NCAPH: variants seen among roughly 807,000 people sequenced by gnomAD.
The protein encoded by NCAPH is non-SMC condensin I complex subunit H, also known as condensin complex subunit 2.
In NCAPH, 38 loss-of-function variants were observed where a neutral mutation model predicts 85.5. The ratio of observed to expected loss-of-function variants is 0.44; its 90% confidence interval spans 0.34 to 0.58. The LOEUF is 0.58. Among genes scored for constraint, NCAPH ranks in the 20% least tolerant of loss-of-function variants. NCAPH has a pLI of 0.01. For synonymous variants in NCAPH, 301 were observed against 335.1 expected (o/e 0.90, Z 1.11); for missense variants, 789 against 916.6 (o/e 0.86, Z 1.80).
intron 3 of NCAPH, among the ~76,000 whole-genome samples, chr2:96,342,545 A>G (rs1022573111): frequency 9.2e-5 from 14 of 152,208 alleles, no homozygotes; most frequent in African/African-American, 3.4e-4. Flanking sequence ...CACACTGAGC[A>G]TTCAGGAATT....
chr2:96,346,589 G>A (rs1176095535), intron 6 of NCAPH, among the ~76,000 whole-genome samples: 3 of 152,230 alleles, frequency 2.0e-5, no homozygotes, highest in South Asian at 2.1e-4. Flanking sequence ...ATTTTACCTC[G>A]GAAGACAGGG....
intron 17 of NCAPH, among the ~76,000 whole-genome samples, chr2:96,369,805 A>G (rs2064748882): frequency 6.6e-6 from 1 of 152,248 alleles, no homozygotes; most frequent in South Asian, 2.1e-4. Context: ...GGTGTCAAAG[A>G]CTTTAAAGGC....
chr2:96,344,178 T>C lies in NCAPH; in HGVS notation c.669T>C (p.Ile223=). The change falls in exon 6 of 18, where the codon ATT becomes ATC. Residue 223 remains isoleucine, a synonymous_variant. Coordinates refer to ENST00000240423, the MANE Select transcript of NCAPH (RefSeq NM_015341.5). The part of the protein sequence containing the change: ...KPKKKHLHRT[I]EQNINNLNVS... ...AGAAGAAGCACTTACACAGAACTAT[T>C]GAGCAGAACATAAACAACCTCAATG... 6.2e-7 allele frequency: 1 copy of C among 1,613,702 alleles called. No homozygotes were observed. The highest frequency in any genetic ancestry group is 1.7e-5 in the Admixed American group (1 of 59,830).
rs116055296 is a variant in NCAPH at position 96,351,416 on chromosome 2, C to T, written c.721-415C>T. Among the ~76,000 whole-genome samples, 934 of 152,218 alleles carry T rather than the reference C, an allele frequency of 6.1e-3. 11 individuals carry two copies. Among genetic ancestry groups the T allele is most frequent in the African/African-American group, 0.022 (893 of 41,524 alleles). ...GGGTGCGGTGGTTCACAACTGTAGT[C>T]CCAGTACTTTGGGAGGCCAAGGTGG... On this transcript the variant is annotated intron_variant, in intron 6 of 17. Coordinates refer to ENST00000240423, the MANE Select transcript of NCAPH (RefSeq NM_015341.5).
At chr2:96,341,512 A>G in intron 1 of NCAPH, 130 bp from the exon 2 acceptor site, 1 of 1,219,972 alleles carries the variant, frequency 8.2e-7, no homozygotes, top group Non-Finnish European at 1.1e-6. Flanking sequence ...TCTAGCCATT[A>G]AGTATTAGAG....
intron 9 of NCAPH, among the ~76,000 whole-genome samples, chr2:96,357,523 AATG>A (rs2064540334): frequency 6.6e-6 from 1 of 152,196 alleles, no homozygotes; most frequent in African/African-American, 2.4e-5. Context: ...CACTCTTCCT[AATG>A]GAAGAATATC....
At chr2:96,372,377 G>T (rs1287601697) in intron 17 of NCAPH, among the ~76,000 whole-genome samples, 1 of 152,074 alleles carries the variant, frequency 6.6e-6, no homozygotes, top group Non-Finnish European at 1.5e-5. Context: ...TGGGGCATTG[G>T]GGCAGTTGGG....
intron 10 of NCAPH, chr2:96,359,408 G>A: frequency 5.4e-6 from 3 of 558,664 alleles, no homozygotes; most frequent in South Asian, 2.3e-5. Flanking sequence ...AGGAGAGTGA[G>A]TACTGGAGTC....
chr2:96,356,699 G>T (rs1052515363), intron 9 of NCAPH, among the ~76,000 whole-genome samples: 1 of 152,120 alleles, frequency 6.6e-6, no homozygotes, highest in Non-Finnish European at 1.5e-5. Flanking sequence ...ATCTCAGTGG[G>T]TAGAGGGGGC....
chr2:96,356,587 G>A (rs1248787514), intron 9 of NCAPH, among the ~76,000 whole-genome samples: 1 of 152,144 alleles, frequency 6.6e-6, no homozygotes, highest in East Asian at 1.9e-4. Context: ...CAGGCTCAGA[G>A]AGTTTAATGG....
At chr2:96,365,783 T>C (rs1300241317) in intron 13 of NCAPH, 93 bp from the exon 14 acceptor site, 2 of 1,273,782 alleles carry the variant, frequency 1.6e-6, no homozygotes, top group Non-Finnish European at 2.2e-6. Context: ...TCAGATGGTC[T>C]CTTCTTGCTT....
In NCAPH at chr2:96,360,600, C is replaced by A. The variant is rs1558799428; in HGVS notation, c.1477C>A (p.Leu493Met). 1.2e-6 allele frequency: 2 copies of A among 1,614,016 alleles called. No individual in the cohort carries two copies. Among genetic ancestry groups the A allele is most frequent in the Admixed American group, 1.7e-5 (1 of 59,988 alleles). The change falls in exon 12 of 18, where the codon CTG becomes ATG. Residue 493 changes from leucine to methionine, a missense_variant. By Grantham distance (15) the Leu-to-Met change is conservative. Transcript: ENST00000240423. ...AAAAAATTAATAGGCTGCTACTATT[C>A]TGACCAAGTCCACTTTGGAGAACCA... ...YFRKTKAATI[L>M]TKSTLENQNW...
At chr2:96,358,620 C>T (rs2064556996) in intron 9 of NCAPH, among the ~76,000 whole-genome samples, 1 of 152,194 alleles carries the variant, frequency 6.6e-6, no homozygotes, top group Non-Finnish European at 1.5e-5. Context: ...AGGCGCCCGC[C>T]ACCACGCCCG....
intron 10 of NCAPH, 104 bp downstream of exon 10, chr2:96,359,297 C>T: frequency 7.0e-7 from 1 of 1,421,598 alleles, no homozygotes; most frequent in Non-Finnish European, 9.6e-7. Flanking sequence ...CCTGTTGTGT[C>T]TCTTAATAAG....
Position 96,342,098 on chromosome 2 carries a change from T to C in NCAPH, c.321T>C (p.Ile107=). 6.2e-7 allele frequency: 1 copy of C among 1,613,042 alleles called. No individual in the cohort carries two copies. ...TCCCCAAGTTTACAAACACGCAGAT[T>C]ACGGAACATTACTCCACCTGTATCA... is the stretch of plus-strand genomic sequence containing the variant. The part of the protein sequence containing the change: ...ATIPKFTNTQ[I]TEHYSTCIKL... Residue 107 remains isoleucine, a synonymous_variant, in exon 3 of 18, where the codon ATT becomes ATC. Transcript: ENST00000240423.
Position 96,364,515 on chromosome 2 carries a change from C to T in NCAPH, c.1622C>T (p.Thr541Ile). 6.2e-7 allele frequency: 1 copy of T among 1,613,316 alleles called. No individual in the cohort carries two copies. Reference protein sequence around the residue: ...LKMAQGHRVETEHYEEIEDYD... With the variant: ...LKMAQGHRVEIEHYEEIEDYD... ...ATGGCCCAGGGCCATAGGGTAGAGA[C>T]TGAGCATTATGAAGAAATTGAAGAC... The change falls in exon 13 of 18, where the codon ACT (threonine) becomes ATT (isoleucine). Residue 541 changes from threonine to isoleucine, a missense_variant. By Grantham distance (89) the Thr-to-Ile change is moderately conservative (BLOSUM62 -1). Coordinates refer to ENST00000240423, the MANE Select transcript of NCAPH (RefSeq NM_015341.5).
Position 96,354,406 on chromosome 2 carries a change from C to T in NCAPH, c.1208+18C>T, listed in dbSNP as rs746052141. ...AGCTGCCAGTAAGGCTCTCAGAGTC[C>T]GAAAGTGTTTCTATAGGAGTTTTCC... On this transcript the variant is annotated intron_variant, in intron 9 of 17. Transcript: ENST00000240423. The T allele has an allele frequency of 2.0e-6, 3 of 1,511,002 alleles. No individual in the cohort carries two copies. Among genetic ancestry groups the T allele is most frequent in the Non-Finnish European group, 2.7e-6 (3 of 1,127,000 alleles). The allele number at this position is 1,511,002 out of a possible 1,614,324, so 93.6% of individuals were successfully genotyped here. A position where few individuals can be genotyped will look rare whatever the true frequency, so the allele number is the denominator to read the frequency against.
chr2:96,373,325 G>C lies in NCAPH; in HGVS notation c.2200G>C (p.Asp734His), dbSNP rs762641143. Residue 734 changes from aspartate (D) to histidine (H), a missense_variant, in exon 18 of 18, where the codon GAT (aspartate) becomes CAT (histidine). Coordinates refer to ENST00000240423, the MANE Select transcript of NCAPH (RefSeq NM_015341.5). ...LKLEGTEDLSDVLVRQGD is the reference protein window; with the variant it reads ...LKLEGTEDLSHVLVRQGD ...ACTGGAAGGAACAGAGGACCTCTCTGATGTTCTTGTGAGGCAAGGAGATTG... is the reference window on the plus strand; with the variant it reads ...ACTGGAAGGAACAGAGGACCTCTCTCATGTTCTTGTGAGGCAAGGAGATTG... 1 of 1,614,014 alleles carries C rather than the reference G, an allele frequency of 6.2e-7. No homozygotes were observed.
chr2:96,351,711 A>T, intron 6 of NCAPH, 120 bp from the exon 7 acceptor site: 1 of 616,964 alleles, frequency 1.6e-6, no homozygotes, highest in Non-Finnish European at 2.5e-6. Context: ...TTTGACCATG[A>T]GTGGAGATAT....
Sources: allele counts gnomAD v4.1 joint callset (sites outside exome capture counted in the v4.1 genomes callset), GRCh38; gene constraint gnomAD v4.1.1; transcripts MANE v1.5; gene names NCBI Gene and HGNC (gene_info 2026-07-23, HGNC 2026-07-21).